LRP4: variants seen among roughly 807,000 people sequenced by gnomAD.
LRP4 encodes LDL receptor related protein 4, also known as low-density lipoprotein receptor-related protein 4.
In LRP4, 95 loss-of-function variants were observed where a neutral mutation model predicts 220.3. The ratio of observed to expected loss-of-function variants is 0.43; its 90% confidence interval spans 0.37 to 0.51. LRP4 has a LOEUF of 0.51. Ranked by LOEUF, LRP4 falls within the 20% of genes least tolerant of loss-of-function variation. The pLI is 0.00. For synonymous variants in LRP4, 903 were observed against 954.6 expected (o/e 0.95, Z 1.00); for missense variants, 1,925 against 2,567.0 (o/e 0.75, Z 5.40).
At chr11:46,892,426 T>C (rs1489137971) in intron 13 of LRP4, among the ~76,000 whole-genome samples, 2 of 152,004 alleles carry the variant, frequency 1.3e-5, no homozygotes, top group African/African-American at 4.8e-5. Context: ...ATGATGGAGG[T>C]ATTTTTTTTT....
intron 33 of LRP4, 58 bp from the exon 34 acceptor site, chr11:46,868,172 C>T: frequency 6.2e-7 from 1 of 1,606,550 alleles, no homozygotes; most frequent in Non-Finnish European, 8.5e-7. Context: ...TACATATGGC[C>T]CAAGAGTAGC....
At chr11:46,915,792 T>C (rs933433583) in intron 1 of LRP4, among the ~76,000 whole-genome samples, 2 of 152,178 alleles carry the variant, frequency 1.3e-5, no homozygotes, top group African/African-American at 4.8e-5. Flanking sequence ...GATCCGCTAG[T>C]CTCAGCCTCC....
chr11:46,871,373 C>G lies in LRP4; in HGVS notation c.4692+152G>C, dbSNP rs1940857930. ...GCAAGGCACTCGGTGGCCCTACCAA[C>G]CTACCAAGGCTTCAGGGCACAGGAA... On this transcript the variant is annotated intron_variant, in intron 31 of 37. Transcript: ENST00000378623. The G allele has an allele frequency of 1.4e-5, 10 of 705,570 alleles. No homozygotes were observed. In the Admixed American group the frequency reaches 1.6e-4, roughly 11 times the overall value. 43.7% of individuals were successfully genotyped at this position (705,570 alleles called of 1,614,324 possible). A position where few individuals can be genotyped will look rare whatever the true frequency, so the allele number is the denominator to read the frequency against.
intron 1 of LRP4, among the ~76,000 whole-genome samples, chr11:46,910,680 C>T (rs868159421): frequency 7.3e-5 from 9 of 123,814 alleles, no homozygotes; most frequent in African/African-American, 1.5e-4. Flanking sequence ...TCCTTGCCCC[C>T]TTTTTTTTTT....
Position 46,896,237 on chromosome 11 carries a change from T to A in LRP4, c.1021A>T (p.Ser341Cys). ...CAATTCTGCTGTGGGCTTTCGTCGC[T>A]GTTGTCACCACAGTCGTTGACCCCG... is the stretch of plus-strand genomic sequence containing the variant. ...CNGVNDCGDN[S>C]DESPQQNCRP... Residue 341 changes from serine (S) to cysteine (C), a missense_variant, in exon 9 of 38, where the codon AGC (serine) becomes TGC (cysteine). By Grantham distance (112) the Ser-to-Cys change is moderately radical. This residue lies in a region of LRP4 where 412 missense variants were observed against 505.4 expected (regional missense o/e 0.82). Coordinates refer to ENST00000378623, the MANE Select transcript of LRP4 (RefSeq NM_002334.4). 1 of 1,614,130 alleles carries A rather than the reference T, an allele frequency of 6.2e-7. No individual in the cohort carries two copies. Among genetic ancestry groups the A allele is most frequent in the East Asian group, 2.2e-5 (1 of 44,886 alleles).
At chr11:46,864,677 G>A in intron 35 of LRP4, 142 bp from the exon 36 acceptor site, 1 of 695,132 alleles carries the variant, frequency 1.4e-6, no homozygotes, top group Non-Finnish European at 2.6e-6. Flanking sequence ...CTCCTTTTCA[G>A]ATAGGTAAAT....
chr11:46,886,261 T>C (rs1941290421), intron 17 of LRP4, 64 bp downstream of exon 17: 1 of 1,601,552 alleles, frequency 6.2e-7, no homozygotes, highest in East Asian at 2.2e-5. Flanking sequence ...TTGGCAAAGG[T>C]ATGGGAAGCC....
chr11:46,873,621 C>G lies in LRP4; in HGVS notation c.4230-28G>C. 6.3e-7 allele frequency: 1 copy of G among 1,580,162 alleles called. No homozygotes were observed. Among genetic ancestry groups the G allele is most frequent in the East Asian group, 2.2e-5 (1 of 44,580 alleles). On this transcript the variant is annotated intron_variant, in intron 28 of 37. Transcript: ENST00000378623. The surrounding 1 kb of genome is among the most constrained non-coding windows in gnomAD (Gnocchi z 4.2). Reference sequence around the variant, plus strand: ...TGGGGAGAGCCCAGTGTTGGATGAGCAACCAGACTGACCCAGAATAGAGTA... The same window carrying G: ...TGGGGAGAGCCCAGTGTTGGATGAGGAACCAGACTGACCCAGAATAGAGTA...
At position 46,899,726 on chromosome 11, in the gene LRP4, C is replaced by T. The variant is rs747419797; in HGVS notation, c.430+137G>A. ...TGGGGGGTCTGAGCGGCTCTGCCCCCTCTGCGTTCCTCTAGCTGCTCCAGA... is the reference window on the plus strand; with the variant it reads ...TGGGGGGTCTGAGCGGCTCTGCCCCTTCTGCGTTCCTCTAGCTGCTCCAGA... On this transcript the variant is annotated intron_variant, in intron 4 of 37. Coordinates refer to ENST00000378623, the MANE Select transcript of LRP4 (RefSeq NM_002334.4). This position sits in a 1 kb window ranked among gnomAD's most constrained non-coding sequence, Gnocchi z 5.9. 6.7e-5 allele frequency: 57 copies of T among 849,892 alleles called. No homozygotes were observed. The highest frequency in any genetic ancestry group is 1.1e-4 in the Non-Finnish European group (53 of 501,784). The allele number at this position is 849,892 out of a possible 1,614,324, so 52.6% of individuals were successfully genotyped here. A position where few individuals can be genotyped will look rare whatever the true frequency, so the allele number is the denominator to read the frequency against.
rs1351410845 is a variant in LRP4 at position 46,889,479 on chromosome 11, C to T, written c.2147G>A (p.Ser716Asn). The T allele has an allele frequency of 6.2e-7, 1 of 1,614,102 alleles. No homozygotes were observed. The change falls in exon 16 of 38, where the codon AGT becomes AAT. Residue 716 changes from serine to asparagine, a missense_variant. Coordinates refer to ENST00000378623, the MANE Select transcript of LRP4 (RefSeq NM_002334.4). ...GCAGGCACAGGTGTAGTTCTGGCCA[C>T]TGGGCAGACACAGGTGCGTGCAGCC... ...NGGCTHLCLPSGQNYTCACPT... is the reference protein window; with the variant it reads ...NGGCTHLCLPNGQNYTCACPT...
At chr11:46,871,072 A>T (rs548447110) in intron 31 of LRP4, among the ~76,000 whole-genome samples, 1 of 152,226 alleles carries the variant, frequency 6.6e-6, no homozygotes, top group Non-Finnish European at 1.5e-5. Context: ...CAAACTGGCT[A>T]GATGCCTCAA....
chr11:46,887,078 T>A (rs1941310194), intron 16 of LRP4, among the ~76,000 whole-genome samples: 1 of 152,176 alleles, frequency 6.6e-6, no homozygotes, highest in Admixed American at 6.5e-5. Context: ...ACCCTGAGGC[T>A]AATAGAGATC....
At chr11:46,888,563 A>AAAAAAAAAAAAAG (rs1941350724) in intron 16 of LRP4, among the ~76,000 whole-genome samples, 7 of 145,220 alleles carry the variant, frequency 4.8e-5, no homozygotes. Context: ...AAAAAAAAAA[A>AAAAAAAAAAAAAG]AAAAAAAAAA....
chr11:46,868,673 G>A lies in LRP4; in HGVS notation c.4878C>T (p.His1626=). 1 of 1,614,188 alleles carries A rather than the reference G, an allele frequency of 6.2e-7. No homozygotes were observed. The highest frequency in any genetic ancestry group is 1.1e-5 in the South Asian group (1 of 91,090). Residue 1626 remains histidine (H), a synonymous_variant, in exon 33 of 38, where the codon CAC becomes CAT. Coordinates refer to ENST00000378623, the MANE Select transcript of LRP4 (RefSeq NM_002334.4). The part of the protein sequence containing the change: ...ACGVNNGGCT[H]LCFARASDFV... ...AGTCCGAGGCTCTGGCAAAGCAGAGGTGGGTGCAGCCACCATTGTTCACAC... is the reference window on the plus strand; with the variant it reads ...AGTCCGAGGCTCTGGCAAAGCAGAGATGGGTGCAGCCACCATTGTTCACAC...
chr11:46,863,744 G>A (rs967436255), intron 36 of LRP4, among the ~76,000 whole-genome samples: 1 of 151,986 alleles, frequency 6.6e-6, no homozygotes, highest in African/African-American at 2.4e-5. Flanking sequence ...GGGCAACAGA[G>A]TGAGACTCTA....
intron 1 of LRP4, 141 bp from the exon 2 acceptor site, chr11:46,903,070 T>A: frequency 1.0e-6 from 1 of 994,712 alleles, no homozygotes; most frequent in South Asian, 1.4e-5. Context: ...ATGCAGGCAG[T>A]AAAACCATGC....
intron 16 of LRP4, among the ~76,000 whole-genome samples, chr11:46,888,014 CAAA>C (rs59369000): frequency 8.7e-5 from 4 of 45,906 alleles, no homozygotes; most frequent in East Asian, 8.3e-4. Flanking sequence ...GACCCTGTCT[CAAA>C]AAAAAAAAAA....
Position 46,883,479 on chromosome 11 carries a change from A to G in LRP4, c.2612+392T>C, listed in dbSNP as rs529109928. On this transcript the variant is annotated intron_variant, in intron 19 of 37. Coordinates refer to ENST00000378623, the MANE Select transcript of LRP4 (RefSeq NM_002334.4). ...CTGCTGCATTTAACTAGCCCAACCTATTTCTTTAATTCGGCCCACCCCTTC... is the reference window on the plus strand; with the variant it reads ...CTGCTGCATTTAACTAGCCCAACCTGTTTCTTTAATTCGGCCCACCCCTTC... 2.0e-5 allele frequency among the ~76,000 whole-genome samples: 3 copies of G among 152,186 alleles called. No homozygotes were observed. The South Asian group carries it at 6.2e-4, about 32-fold the overall frequency.
intron 1 of LRP4, among the ~76,000 whole-genome samples, chr11:46,917,036 G>GA (rs908750681): frequency 2.0e-5 from 3 of 152,196 alleles, no homozygotes; most frequent in East Asian, 3.9e-4. Flanking sequence ...AGAGGACGCG[G>GA]AAAAAAGCCC....
Sources: allele counts gnomAD v4.1 joint callset (sites outside exome capture counted in the v4.1 genomes callset), GRCh38; gene constraint gnomAD v4.1.1; regional missense constraint gnomAD v4.1.1; non-coding constraint Gnocchi (gnomAD v3.1); transcripts MANE v1.5; gene names NCBI Gene and HGNC (gene_info 2026-07-23, HGNC 2026-07-21).